ARHGAP26: variants seen among roughly 807,000 people sequenced by gnomAD.
ARHGAP26 encodes rho GTPase-activating protein 26.
A neutral mutation model predicts 104.8 loss-of-function variants in ARHGAP26; 38 were observed. That is an observed-to-expected ratio of 0.36 (90% CI 0.28 to 0.48). ARHGAP26 has a LOEUF of 0.48. Among genes scored for constraint, ARHGAP26 ranks in the 20% least tolerant of loss-of-function variants. The pLI is 0.99. For synonymous variants in ARHGAP26, 341 were observed against 340.0 expected, an observed-to-expected ratio of 1.00 and a Z score of -0.03; for missense variants, 704 against 947.9, an observed-to-expected ratio of 0.74 and a Z score of 3.38.
intron 1 of ARHGAP26, among the ~76,000 whole-genome samples, chr5:142,809,191 TTTTA>T (rs1366389383): frequency 6.6e-6 from 1 of 152,200 alleles, no homozygotes; most frequent in Non-Finnish European, 1.5e-5. Context: ...TTTTGAATGG[TTTTA>T]TTTGTGTGTT....
intron 20 of ARHGAP26, among the ~76,000 whole-genome samples, chr5:143,201,387 T>C (rs890453111): frequency 3.3e-5 from 5 of 152,228 alleles, no homozygotes; most frequent in South Asian, 2.1e-4. Flanking sequence ...TTTAATTGTT[T>C]GTTATCCTTG....
intron 20 of ARHGAP26, among the ~76,000 whole-genome samples, chr5:143,184,044 A>C (rs1804787935): frequency 6.6e-6 from 1 of 152,180 alleles, no homozygotes; most frequent in Admixed American, 6.5e-5. Flanking sequence ...AAGTATTTAG[A>C]TTCTGAAAGT....
At position 143,202,371 on chromosome 5, in the gene ARHGAP26, C is replaced by T. The variant is rs1057121937; in HGVS notation, c.1989-4827C>T. On this transcript the variant is annotated intron_variant, in intron 20 of 22. Transcript: ENST00000645722. ...ACAACTTACAAGGGATATGAAGGACCTCTTCAAGGAAAACTACAGACCACT... is the reference window on the plus strand; with the variant it reads ...ACAACTTACAAGGGATATGAAGGACTTCTTCAAGGAAAACTACAGACCACT... 5.3e-5 allele frequency: 8 copies of T among 152,048 alleles called. No homozygotes were observed. In the East Asian group the frequency reaches 1.5e-3, roughly 29 times the overall value. 9.4% of individuals were successfully genotyped at this position (152,048 alleles called of 1,614,324 possible).
intron 10 of ARHGAP26, among the ~76,000 whole-genome samples, chr5:142,931,637 T>C: frequency 1.1e-5 from 1 of 93,650 alleles, no homozygotes; most frequent in East Asian, 6.4e-4. Flanking sequence ...TTTCTCCTCT[T>C]TTTTTTATCT....
chr5:142,773,510 A>G (rs1755674893), intron 1 of ARHGAP26, among the ~76,000 whole-genome samples: 1 of 152,238 alleles, frequency 6.6e-6, no homozygotes, highest in Admixed American at 6.5e-5. Context: ...AGATGCTGGC[A>G]ATGGAGATGC....
chr5:143,209,736 G>A (rs573836783), intron 21 of ARHGAP26, among the ~76,000 whole-genome samples: 10 of 151,758 alleles, frequency 6.6e-5, no homozygotes, highest in Admixed American at 5.3e-4. Flanking sequence ...AGCCAAGATC[G>A]TGCCATTGCA....
At chr5:142,825,897 C>T (rs1173081288) in intron 1 of ARHGAP26, among the ~76,000 whole-genome samples, 1 of 152,160 alleles carries the variant, frequency 6.6e-6, no homozygotes, top group Admixed American at 6.5e-5. Context: ...TTGCCTTTCC[C>T]GTGCTGTGTG....
intron 15 of ARHGAP26, 121 bp from the exon 16 acceptor site, chr5:143,055,907 T>C: frequency 4.5e-6 from 3 of 668,408 alleles, no homozygotes; most frequent in East Asian, 2.7e-5. Flanking sequence ...ATTGTTATTG[T>C]TTCCCTGTGA....
At chr5:142,959,748 C>A (rs1002651300) in intron 11 of ARHGAP26, among the ~76,000 whole-genome samples, 2 of 152,216 alleles carry the variant, frequency 1.3e-5, no homozygotes, top group African/African-American at 4.8e-5. Flanking sequence ...GGTCTACTGA[C>A]TTGGGACTTT....
chr5:143,005,777 T>C (rs1464015792), intron 11 of ARHGAP26, among the ~76,000 whole-genome samples: 1 of 152,208 alleles, frequency 6.6e-6, no homozygotes, highest in Non-Finnish European at 1.5e-5. Context: ...CAAGCAGCAG[T>C]TTTTATTCAC....
At chr5:143,097,518 G>A (rs1178394263) in intron 17 of ARHGAP26, among the ~76,000 whole-genome samples, 1 of 151,542 alleles carries the variant, frequency 6.6e-6, no homozygotes, top group African/African-American at 2.4e-5. Flanking sequence ...CAGAGCTAAT[G>A]TGAAAATTGC....
chr5:143,062,031 G>A lies in ARHGAP26; in HGVS notation c.1538+4284G>A, dbSNP rs78305987. Among the ~76,000 whole-genome samples the A allele has an allele frequency of 1.4e-4, 22 of 152,308 alleles. 1 individual carries two copies. In the East Asian group the frequency reaches 4.2e-3, roughly 29 times the overall value. On this transcript the variant is annotated intron_variant, in intron 17 of 22. Coordinates refer to ENST00000645722, the MANE Select transcript of ARHGAP26 (RefSeq NM_001135608.3). The stretch of plus-strand genomic sequence containing the variant: ...CCACTTGTGGGAGGATTGGATATCA[G>A]AATAAAGGCAGAGCTTTGACAGAAT...
intron 14 of ARHGAP26, 132 bp from the exon 15 acceptor site, chr5:143,054,307 A>G (rs1785477661): frequency 5.2e-6 from 3 of 581,192 alleles, no homozygotes; most frequent in African/African-American, 1.9e-5. Context: ...TTAATAGGTA[A>G]AAAAAATACT....
At chr5:143,218,097 G>A (rs1195955534) in intron 22 of ARHGAP26, among the ~76,000 whole-genome samples, 1 of 152,156 alleles carries the variant, frequency 6.6e-6, no homozygotes, top group African/African-American at 2.4e-5. Context: ...AAGCTTTACT[G>A]GAACACAGAC....
chr5:142,786,168 G>A (rs1364971831), intron 1 of ARHGAP26, among the ~76,000 whole-genome samples: 5 of 148,754 alleles, frequency 3.4e-5, no homozygotes, highest in Admixed American at 1.3e-4. Context: ...TTTTTGTAGC[G>A]ATGGGGGTCT....
At chr5:142,874,907 G>T (rs1755864832) in intron 2 of ARHGAP26, 2 of 558,898 alleles carry the variant, frequency 3.6e-6, no homozygotes, top group East Asian at 6.0e-5. Context: ...CCTAGCTAGA[G>T]TGCCAGGTGG....
chr5:143,053,106 G>A (rs185728468), intron 14 of ARHGAP26, among the ~76,000 whole-genome samples: 1 of 152,300 alleles, frequency 6.6e-6, no homozygotes, highest in Admixed American at 6.5e-5. Flanking sequence ...CGGACTTTCA[G>A]GCTCTGTGTG....
At chr5:143,032,129 A>T (rs1781969062) in intron 12 of ARHGAP26, among the ~76,000 whole-genome samples, 2 of 152,232 alleles carry the variant, frequency 1.3e-5, no homozygotes, top group South Asian at 4.1e-4. Flanking sequence ...CAAAGCAACA[A>T]GGCTTCAAAA....
intron 1 of ARHGAP26, among the ~76,000 whole-genome samples, chr5:142,855,147 A>G (rs1752137819): frequency 6.6e-6 from 1 of 152,128 alleles, no homozygotes; most frequent in South Asian, 2.1e-4. Context: ...GAGTGAAGTC[A>G]CCGTTTTAGA....
Sources: gnomAD v4.1 joint callset for allele counts (sites outside exome capture counted in the v4.1 genomes callset) on GRCh38, gnomAD v4.1.1 for gene constraint, MANE v1.5 for transcripts, NCBI Gene and HGNC (gene_info 2026-07-23, HGNC 2026-07-21) for gene names.